SETDB1: variants seen among roughly 807,000 people sequenced by gnomAD.
SETDB1 encodes histone-lysine N-methyltransferase SETDB1.
Under a neutral mutation model 137.4 loss-of-function variants are expected in SETDB1, and 31 were observed. The ratio of observed to expected loss-of-function variants is 0.23; its 90% CI spans 0.17 to 0.30. The LOEUF is 0.30. Among genes scored for constraint, SETDB1 ranks in the 10% least tolerant of loss-of-function variants. SETDB1 has a pLI of 1.00. For synonymous variants in SETDB1, 548 were observed against 579.9 expected (o/e 0.95, Z 0.79); for missense variants, 1,113 against 1,631.5 (o/e 0.68, Z 5.47).
At chr1:150,963,201 T>G (rs753177807) in intron 19 of SETDB1, 62 bp downstream of exon 19, 1 of 1,483,148 alleles carries the variant, frequency 6.7e-7, no homozygotes, top group Non-Finnish European at 9.3e-7. Flanking sequence ...GATAGAGCAT[T>G]TTTTAAGGAA....
rs1239481074 is a variant in SETDB1, at chr1:150,941,322, T to C, written c.448-7T>C. 2.5e-6 allele frequency: 4 copies of C among 1,592,714 alleles called. No individual in the cohort carries two copies. The highest frequency in any genetic ancestry group is 3.4e-6 in the Non-Finnish European group (4 of 1,161,408). On this transcript the variant is annotated splice_polypyrimidine_tract_variant and splice_region_variant and intron_variant, in intron 4 of 21. Transcript: ENST00000692827. ...AAAACTTGTTTTCCTCATCCCCTTT[T>C]CTACAGCTCCGTGAAGCTATGGCTG...
chr1:150,958,448 T>A (rs1001242467), intron 14 of SETDB1, among the ~76,000 whole-genome samples: 1 of 151,832 alleles, frequency 6.6e-6, no homozygotes, highest in African/African-American at 2.4e-5. Flanking sequence ...GACGGGGTTT[T>A]ACTGTGTTAG....
chr1:150,963,107 G>C lies in SETDB1; in HGVS notation c.3428G>C (p.Gly1143Ala). The C allele has an allele frequency of 6.2e-7, 1 of 1,614,090 alleles. No homozygotes were observed. The highest frequency in any genetic ancestry group is 1.1e-5 in the South Asian group (1 of 91,078). The change falls in exon 19 of 22, where the codon GGG becomes GCG. Residue 1143 changes from glycine to alanine, a missense_variant. Physicochemically the swap from Gly to Ala is moderately conservative, Grantham distance 60. Transcript: ENST00000692827. ...CAGACCATATCCTCTGGCTCTGAAG[G>C]GGATGACTTTGAGGACAAGAAGAAC... ...DIQTISSGSE[G>A]DDFEDKKNMT...
At chr1:150,946,079 G>A (rs1444800427) in intron 9 of SETDB1, among the ~76,000 whole-genome samples, 4 of 152,110 alleles carry the variant, frequency 2.6e-5, no homozygotes. Context: ...GAGTGCAGTG[G>A]TGCAATCACA....
chr1:150,958,747 T>A (rs913059910), intron 14 of SETDB1, among the ~76,000 whole-genome samples: 5 of 152,234 alleles, frequency 3.3e-5, no homozygotes, highest in African/African-American at 9.6e-5. Context: ...TATTATTATT[T>A]TTGCTGTTGT....
At chr1:150,943,082 A>G in intron 7 of SETDB1, 29 bp downstream of exon 7, 1 of 1,539,188 alleles carries the variant, frequency 6.5e-7, no homozygotes, top group Non-Finnish European at 9.0e-7. Flanking sequence ...GTAAAGGGGT[A>G]GAGGCTGGGA....
chr1:150,942,671 T>C lies in SETDB1; in HGVS notation c.656T>C (p.Ile219Thr). Residue 219 changes from isoleucine (I) to threonine (T), a missense_variant, in exon 6 of 22, where the codon ATT becomes ACT. Physicochemically the swap from Ile to Thr is moderately conservative, Grantham distance 89 (BLOSUM62 -1). Transcript: ENST00000692827. Reference protein sequence around the residue: ...RTKTWHKGTLIAIQTVGPGKK... With the variant: ...RTKTWHKGTLTAIQTVGPGKK... ...AAGACTTGGCACAAAGGCACCCTTA[T>C]TGCCATCCAGACAGTTGGTATGTGC... 1 of 1,613,362 alleles carries C rather than the reference T, an allele frequency of 6.2e-7. No homozygotes were observed. Among genetic ancestry groups the C allele is most frequent in the East Asian group, 2.2e-5 (1 of 44,874 alleles).
chr1:150,957,125 A>AG (rs985764892), intron 14 of SETDB1, among the ~76,000 whole-genome samples: 1 of 151,872 alleles, frequency 6.6e-6, no homozygotes, highest in African/African-American at 2.4e-5. Flanking sequence ...TCAAAAAAAA[A>AG]AAAAATGGGA....
At chr1:150,941,989 A>G (rs1448283921) in intron 5 of SETDB1, among the ~76,000 whole-genome samples, 1 of 150,772 alleles carries the variant, frequency 6.6e-6, no homozygotes, top group Non-Finnish European at 1.5e-5. Flanking sequence ...AAAATACAAA[A>G]ATTAGCCAGG....
At chr1:150,948,473 G>A (rs1245726494) in intron 10 of SETDB1, among the ~76,000 whole-genome samples, 1 of 152,024 alleles carries the variant, frequency 6.6e-6, no homozygotes, top group African/African-American at 2.4e-5. Context: ...ATTTCTCCAT[G>A]TTGGCCAGGC....
At chr1:150,946,445 A>G (rs1483365577) in intron 9 of SETDB1, among the ~76,000 whole-genome samples, 4 of 151,274 alleles carry the variant, frequency 2.6e-5, no homozygotes, top group Non-Finnish European at 1.5e-5. Context: ...TATTAAGTAG[A>G]TAAGGAATTT....
At position 150,931,502 on chromosome 1, in the gene SETDB1, G is replaced by A. The variant is rs950814147; in HGVS notation, c.412+1384G>A. ...TGGGAGGCTGAGGCAGGAGAATGGC[G>A]TGAACCCAGGAGGTGGAGCTTGCAG... On this transcript the variant is annotated intron_variant, in intron 3 of 21. Coordinates refer to ENST00000692827, the MANE Select transcript of SETDB1 (RefSeq NM_001366418.1). Among the ~76,000 whole-genome samples the A allele has an allele frequency of 8.6e-5, 13 of 151,278 alleles. No homozygotes were observed. The South Asian group carries it at 1.0e-3, about 12-fold the overall frequency.
chr1:150,934,675 C>A (rs1669893552), intron 3 of SETDB1, among the ~76,000 whole-genome samples: 1 of 152,134 alleles, frequency 6.6e-6, no homozygotes, highest in Non-Finnish European at 1.5e-5. Context: ...AGATATTTAT[C>A]ACTTCTGTTG....
At chr1:150,945,950 C>T (rs1027642462) in intron 9 of SETDB1, among the ~76,000 whole-genome samples, 1 of 152,154 alleles carries the variant, frequency 6.6e-6, no homozygotes, top group Non-Finnish European at 1.5e-5. Context: ...GATCCACCTG[C>T]CTTGTCCTCC....
At chr1:150,944,829 A>G (rs1670274494) in intron 8 of SETDB1, 89 bp from the exon 9 acceptor site, 2 of 1,439,972 alleles carry the variant, frequency 1.4e-6, no homozygotes, top group South Asian at 2.7e-5. Flanking sequence ...TTTTCAACTT[A>G]AAAAGTATCA....
intron 3 of SETDB1, among the ~76,000 whole-genome samples, chr1:150,939,251 ATTTTTT>A (rs71580343): frequency 9.3e-6 from 1 of 107,190 alleles, no homozygotes; most frequent in African/African-American, 3.5e-5. Context: ...TGCACCCAGC[ATTTTTT>A]TTTTTTTTTT....
In SETDB1 at chr1:150,942,916, T is replaced by C. The variant is rs1291245540; in HGVS notation, c.738T>C (p.His246=). 6.2e-7 allele frequency: 1 copy of C among 1,614,104 alleles called. No individual in the cohort carries two copies. The highest frequency in any genetic ancestry group is 8.5e-7 in the Non-Finnish European group (1 of 1,179,970). The change falls in exon 7 of 22, where the codon CAT becomes CAC. Residue 246 remains histidine, a synonymous_variant. Transcript: ENST00000692827. ...NKGKSLLSGN[H]IAYDYHPPAD... ...GAAAGAGTCTACTGTCGGGGAACCA[T>C]ATTGCCTATGATTACCACCCTCCTG...
chr1:150,936,294 C>G (rs1171418444), intron 3 of SETDB1, among the ~76,000 whole-genome samples: 1 of 152,096 alleles, frequency 6.6e-6, no homozygotes, highest in Non-Finnish European at 1.5e-5. Context: ...GGCCTCTGTT[C>G]AGTTTTTTTA....
rs774285670 is a variant in SETDB1 at position 150,947,038 on chromosome 1, A to G, written c.1267+26A>G. ...GTATGTCCTGAAAGATTCCTGGAGG[A>G]AGGAAGAAACAGGCCAACCAGCAAA... is the stretch of plus-strand genomic sequence containing the variant. On this transcript the variant is annotated intron_variant, in intron 10 of 21. Coordinates refer to ENST00000692827, the MANE Select transcript of SETDB1 (RefSeq NM_001366418.1). 5.0e-6 allele frequency: 8 copies of G among 1,612,916 alleles called. 1 individual carries two copies. The South Asian group carries it at 8.8e-5, about 18-fold the overall frequency.
Sources: gnomAD v4.1 joint callset for allele counts (sites outside exome capture counted in the v4.1 genomes callset) on GRCh38, gnomAD v4.1.1 for gene constraint, MANE v1.5 for transcripts, NCBI Gene and HGNC (gene_info 2026-07-23, HGNC 2026-07-21) for gene names.